The following ANHX variants were observed in gnomAD, a reference collection of about 807,000 sequenced individuals.
ANHX encodes the protein anomalous homeobox protein.
Under a neutral mutation model 38.9 loss-of-function variants are expected in ANHX, and 20 were observed. The ratio of observed to expected loss-of-function variants is 0.51; its 90% CI spans 0.36 to 0.75. The LOEUF (loss-of-function observed/expected upper bound fraction) is 0.75. Ranked by LOEUF, ANHX falls within the 30% of genes least tolerant of loss-of-function variation. The pLI, the probability that ANHX is intolerant of heterozygous loss-of-function variation, is 0.00. For synonymous variants in ANHX, 185 were observed against 203.1 expected (o/e 0.91, Z 0.76); for missense variants, 475 against 493.1 (o/e 0.96, Z 0.35).
In ANHX at chr12:133,218,870, G is replaced by T; in HGVS notation, c.*15C>A. The stretch of plus-strand genomic sequence containing the variant: ...CCCGCTCCTCCTGGGGTGCTGTCTG[G>T]CTCCTGGGGATAGCTCAGCCCAGGC... On this transcript the variant is annotated 3_prime_UTR_variant, in exon 10 of 10. Transcript: ENST00000545940. 2 of 1,491,838 alleles carry T rather than the reference G, an allele frequency of 1.3e-6. No individual in the cohort carries two copies. The highest frequency in any genetic ancestry group is 8.9e-7 in the Non-Finnish European group (1 of 1,119,558). The allele number at this position is 1,491,838 out of a possible 1,614,324, so 92.4% of individuals were successfully genotyped here.
chr12:133,226,546 G>A lies in ANHX; in HGVS notation c.719-108C>T, dbSNP rs1201507357. On this transcript the variant is annotated intron_variant, in intron 5 of 9. Coordinates refer to ENST00000545940, the MANE Select transcript of ANHX (RefSeq NM_001372060.1). ...GGCTGGAAAAGGCTGTTGCCATGGGGCCATCCCAATGTTTTTGCTTCTTGT... is the reference window on the plus strand; with the variant it reads ...GGCTGGAAAAGGCTGTTGCCATGGGACCATCCCAATGTTTTTGCTTCTTGT... The A allele has an allele frequency of 1.5e-5, 21 of 1,401,876 alleles. No homozygotes were observed. In the Admixed American group the frequency reaches 5.6e-4, roughly 37 times the overall value. The allele number at this position is 1,401,876 out of a possible 1,614,324, so 86.8% of individuals were successfully genotyped here.
At position 133,234,451 on chromosome 12, in the gene ANHX, C is replaced by T; in HGVS notation, c.-22-73G>A. ...TTCTGTCAGTCAATCGCCCAACCCA[C>T]TCTGCAAAGCAGGTGATGCACGGCT... On this transcript the variant is annotated intron_variant, in intron 1 of 9. Coordinates refer to ENST00000545940, the MANE Select transcript of ANHX (RefSeq NM_001372060.1). 4 of 1,462,628 alleles carry T rather than the reference C, an allele frequency of 2.7e-6. No homozygotes were observed. The South Asian group carries it at 4.1e-5, about 15-fold the overall frequency. The allele number at this position is 1,462,628 out of a possible 1,614,324, so 90.6% of individuals were successfully genotyped here.
chr12:133,219,838 G>T (rs1270805837), intron 8 of ANHX, among the ~76,000 whole-genome samples: 1 of 152,124 alleles, frequency 6.6e-6, no homozygotes, highest in African/African-American at 2.4e-5. Flanking sequence ...TATCTGTGAT[G>T]CCCCCAAATC....
intron 2 of ANHX, among the ~76,000 whole-genome samples, chr12:133,233,598 T>C (rs1170828930): frequency 1.3e-5 from 2 of 152,136 alleles, no homozygotes; most frequent in Admixed American, 1.3e-4. Context: ...AAACGTACAG[T>C]GGTCACATTA....
intron 3 of ANHX, among the ~76,000 whole-genome samples, chr12:133,231,029 A>G (rs1489027365): frequency 6.6e-6 from 1 of 152,216 alleles, no homozygotes; most frequent in East Asian, 1.9e-4. Flanking sequence ...AACACTGGCA[A>G]CATTCTCACC....
intron 4 of ANHX, 111 bp from the exon 5 acceptor site, chr12:133,227,263 G>T: frequency 8.4e-7 from 1 of 1,185,404 alleles, no homozygotes; most frequent in Non-Finnish European, 1.2e-6. Flanking sequence ...TGACAGCCCA[G>T]CCTAACCTCT....
Position 133,234,686 on chromosome 12 carries a change from GCAGGGGTCAC to G in ANHX, c.-22-318_-22-309del, listed in dbSNP as rs1957338468. ...GCTCAGTAGGGTAGGGACCTTGTGT[GCAGGGGTCAC>G]CAGTGGATGCCAAGGCCTTTCATCT... On this transcript the variant is annotated intron_variant, in intron 1 of 9. Transcript: ENST00000545940. 3 of 312,926 alleles carry G rather than the reference GCAGGGGTCAC, an allele frequency of 9.6e-6. No homozygotes were observed. The South Asian group carries it at 1.3e-4, about 13-fold the overall frequency. 19.4% of individuals were successfully genotyped at this position (312,926 alleles called of 1,614,324 possible).
intron 1 of ANHX, 125 bp downstream of exon 1, chr12:133,235,681 GA>G (rs1486055621): frequency 2.1e-5 from 2 of 95,666 alleles, no homozygotes; most frequent in Admixed American, 1.0e-4. Flanking sequence ...TATCCTCCAG[GA>G]CCCCCCCCGC....
At chr12:133,234,485 G>T in intron 1 of ANHX, 107 bp from the exon 2 acceptor site, 1 of 1,281,432 alleles carries the variant, frequency 7.8e-7, no homozygotes, top group Non-Finnish European at 1.1e-6. Context: ...CTCTTGTGCC[G>T]TGGACACTTG....
chr12:133,226,888 A>C (rs1957196578), intron 5 of ANHX, 48 bp downstream of exon 5: 1 of 1,456,506 alleles, frequency 6.9e-7, no homozygotes, highest in Admixed American at 2.5e-5. Context: ...CCCTTGTCAG[A>C]AACCAGCTCC....
At chr12:133,230,780 C>T (rs1225798173) in intron 3 of ANHX, among the ~76,000 whole-genome samples, 1 of 151,850 alleles carries the variant, frequency 6.6e-6, no homozygotes, top group Non-Finnish European at 1.5e-5. Context: ...TTTAAAGGCT[C>T]CAATTTCTCA....
intron 3 of ANHX, among the ~76,000 whole-genome samples, chr12:133,230,288 G>C (rs1385026276): frequency 1.3e-5 from 2 of 152,220 alleles, no homozygotes; most frequent in African/African-American, 2.4e-5. Context: ...ATGCCCGTGG[G>C]GGGCTACAAT....
rs1016867364 is a variant in ANHX, at chr12:133,226,557, G to A, written c.719-119C>T. The A allele has an allele frequency of 3.6e-6, 5 of 1,374,230 alleles. No individual in the cohort carries two copies. In the African/African-American group the frequency reaches 7.3e-5, roughly 20 times the overall value. 85.1% of individuals were successfully genotyped at this position (1,374,230 alleles called of 1,614,324 possible). On this transcript the variant is annotated intron_variant, in intron 5 of 9. Coordinates refer to ENST00000545940, the MANE Select transcript of ANHX (RefSeq NM_001372060.1). ...GCTGTTGCCATGGGGCCATCCCAAT[G>A]TTTTTGCTTCTTGTCCTGTCTTTGG...
In ANHX at chr12:133,219,271, G is replaced by C. The variant is rs545005293; in HGVS notation, c.1365+12C>G. 1 of 1,532,938 alleles carries C rather than the reference G, an allele frequency of 6.5e-7. No homozygotes were observed. Among genetic ancestry groups the C allele is most frequent in the South Asian group, 1.2e-5 (1 of 83,946 alleles). 95.0% of individuals were successfully genotyped at this position (1,532,938 alleles called of 1,614,324 possible). A position where few individuals can be genotyped will look rare whatever the true frequency, so the allele number is the denominator to read the frequency against. On this transcript the variant is annotated intron_variant, in intron 9 of 9. Transcript: ENST00000545940. Reference sequence around the variant, plus strand: ...AAGAGGGAATCCTTCAGTGCTCATAGGGAAGCCTCACCTGGCTGGAGGGCA... The same window carrying C: ...AAGAGGGAATCCTTCAGTGCTCATACGGAAGCCTCACCTGGCTGGAGGGCA...
chr12:133,226,878 C>T, intron 5 of ANHX, 58 bp downstream of exon 5: 7 of 1,436,902 alleles, frequency 4.9e-6, no homozygotes, highest in Non-Finnish European at 6.4e-6. Flanking sequence ...CTAGGCCTGG[C>T]CCTTGTCAGA....
At chr12:133,228,603 T>A (rs1445946313) in intron 3 of ANHX, among the ~76,000 whole-genome samples, 1 of 152,070 alleles carries the variant, frequency 6.6e-6, no homozygotes, top group Non-Finnish European at 1.5e-5. Context: ...CAAGATGTTC[T>A]CAGAAGAGAA....
intron 7 of ANHX, among the ~76,000 whole-genome samples, chr12:133,222,489 C>T (rs1021135091): frequency 2.0e-5 from 3 of 152,180 alleles, no homozygotes; most frequent in African/African-American, 4.8e-5. Context: ...AACATCCCCC[C>T]TCACTTGAGC....
chr12:133,233,925 T>C (rs1449198908), intron 2 of ANHX, among the ~76,000 whole-genome samples, 183 bp downstream of exon 2: 1 of 152,178 alleles, frequency 6.6e-6, no homozygotes, highest in Non-Finnish European at 1.5e-5. Context: ...AGCTTAGTAA[T>C]GTGAGAGCGG....
chr12:133,229,456 C>A (rs887831974), intron 3 of ANHX, among the ~76,000 whole-genome samples: 1 of 152,112 alleles, frequency 6.6e-6, no homozygotes, highest in African/African-American at 2.4e-5. Flanking sequence ...AGTGAAGGAA[C>A]CCTCATGCTC....
Sources: allele counts gnomAD v4.1 joint callset (sites outside exome capture counted in the v4.1 genomes callset), GRCh38; gene constraint gnomAD v4.1.1; transcripts MANE v1.5; gene names NCBI Gene and HGNC (gene_info 2026-07-23, HGNC 2026-07-21).